The following COL21A1 variants were observed in gnomAD, a reference collection of about 807,000 sequenced individuals.
The protein encoded by COL21A1 is collagen alpha-1(XXI) chain.
A neutral mutation model predicts 137.9 loss-of-function variants in COL21A1; 149 were observed. The observed-to-expected ratio is 1.08, with a 90% confidence interval of 0.95 to 1.24. The LOEUF is 1.24. Ranked by LOEUF, COL21A1 falls within the 50% of genes most tolerant of loss-of-function variation. The pLI, the probability that COL21A1 is intolerant of heterozygous loss-of-function variation, is 0.00. For missense variants in COL21A1, 1,167 were observed against 1,158.4 expected (o/e 1.01, Z -0.11); for synonymous variants, 456 against 391.5 (o/e 1.16, Z -1.95).
At chr6:56,256,498 T>G (rs940078092) in intron 1 of COL21A1, among the ~76,000 whole-genome samples, 5 of 152,172 alleles carry the variant, frequency 3.3e-5, no homozygotes, top group Admixed American at 6.5e-5. Context: ...CGCATCAAAT[T>G]AGATCGTTGA....
At chr6:56,075,343 A>C (rs1457283539) in intron 19 of COL21A1, 136 bp downstream of exon 19, 1 of 659,752 alleles carries the variant, frequency 1.5e-6, no homozygotes, top group East Asian at 3.2e-5. Context: ...TTCATACAAC[A>C]GAATGGAATT....
intron 1 of COL21A1, among the ~76,000 whole-genome samples, chr6:56,392,349 A>C (rs2094031399): frequency 6.6e-6 from 1 of 152,118 alleles, no homozygotes. Flanking sequence ...TACCTCAACA[A>C]TATAAAAGCC....
intron 17 of COL21A1, chr6:56,091,348 G>A (rs62404866): frequency 0.15 from 23,161 of 152,424 alleles, 1,792 homozygotes; most frequent in Middle Eastern, 0.22. Flanking sequence ...TGAAAGGCAT[G>A]AGGAAAGGAA....
intron 1 of COL21A1, among the ~76,000 whole-genome samples, chr6:56,272,165 G>T (rs1763543419): frequency 6.6e-6 from 1 of 152,232 alleles, no homozygotes; most frequent in Non-Finnish European, 1.5e-5. Context: ...TGGAAAGGCT[G>T]CAGGCACTCA....
At chr6:56,281,082 T>C (rs973742742) in intron 1 of COL21A1, among the ~76,000 whole-genome samples, 15 of 152,154 alleles carry the variant, frequency 9.9e-5, no homozygotes, top group African/African-American at 3.6e-4. Context: ...TACACCACAC[T>C]TTCCTATGAT....
intron 29 of COL21A1, 108 bp from the exon 30 acceptor site, chr6:56,057,952 A>G (rs575449646): frequency 4.8e-5 from 36 of 753,198 alleles, no homozygotes; most frequent in Admixed American, 1.1e-4. Context: ...TGAATATTTT[A>G]TATATTTGCA....
intron 1 of COL21A1, among the ~76,000 whole-genome samples, chr6:56,210,429 T>G (rs953741547): frequency 2.0e-5 from 3 of 152,148 alleles, no homozygotes; most frequent in Non-Finnish European, 4.4e-5. Context: ...TAAAACATGA[T>G]GGAGAAACAA....
At chr6:56,371,859 G>C (rs761930225) in intron 1 of COL21A1, among the ~76,000 whole-genome samples, 12 of 152,186 alleles carry the variant, frequency 7.9e-5, no homozygotes, top group Non-Finnish European at 1.5e-4. Context: ...CATCAGAGAA[G>C]TGAAGATGAT....
chr6:56,357,207 A>C (rs1048934408), intron 1 of COL21A1, among the ~76,000 whole-genome samples: 2 of 152,206 alleles, frequency 1.3e-5, no homozygotes. Flanking sequence ...AAATTAGAGA[A>C]AACAGTATCT....
intron 14 of COL21A1, among the ~76,000 whole-genome samples, chr6:56,124,880 C>T (rs1466721469): frequency 6.6e-6 from 1 of 151,584 alleles, no homozygotes; most frequent in Non-Finnish European, 1.5e-5. Context: ...CTCCTGACTT[C>T]GTGATCTGCC....
intron 17 of COL21A1, among the ~76,000 whole-genome samples, chr6:56,086,866 C>G (rs182644160): frequency 6.6e-6 from 1 of 152,108 alleles, no homozygotes; most frequent in Non-Finnish European, 1.5e-5. Context: ...TTAAATAATC[C>G]GAACCATTCT....
chr6:56,195,095 A>G (rs1378602364), intron 1 of COL21A1, among the ~76,000 whole-genome samples: 1 of 152,194 alleles, frequency 6.6e-6, no homozygotes, highest in Non-Finnish European at 1.5e-5. Flanking sequence ...GACTCTGCAG[A>G]GAGTCCCCAC....
chr6:56,148,633 G>A (rs1164488470), intron 10 of COL21A1, among the ~76,000 whole-genome samples: 1 of 151,974 alleles, frequency 6.6e-6, no homozygotes, highest in African/African-American at 2.4e-5. Context: ...CTGGCACCAT[G>A]TTCAGTTAAG....
chr6:56,208,597 C>T (rs530878887), intron 1 of COL21A1, among the ~76,000 whole-genome samples: 2 of 152,240 alleles, frequency 1.3e-5, no homozygotes, highest in African/African-American at 4.8e-5. Flanking sequence ...GACCATACTG[C>T]CCAAAGTAAT....
At chr6:56,367,457 T>C (rs1258995649) in intron 1 of COL21A1, among the ~76,000 whole-genome samples, 1 of 152,174 alleles carries the variant, frequency 6.6e-6, no homozygotes, top group Non-Finnish European at 1.5e-5. Flanking sequence ...ATTTCCTCCC[T>C]CTCAAGAGAA....
intron 1 of COL21A1, among the ~76,000 whole-genome samples, chr6:56,380,951 C>T (rs2094007720): frequency 6.6e-6 from 1 of 152,076 alleles, no homozygotes; most frequent in Non-Finnish European, 1.5e-5. Context: ...AATAGAAATA[C>T]ATACAGAACA....
chr6:56,344,181 A>T (rs982607698), intron 1 of COL21A1, among the ~76,000 whole-genome samples: 1 of 152,230 alleles, frequency 6.6e-6, no homozygotes, highest in Non-Finnish European at 1.5e-5. Context: ...ACATAAAGCA[A>T]CTGAATTTTT....
intron 1 of COL21A1, among the ~76,000 whole-genome samples, chr6:56,294,667 T>C (rs1297729685): frequency 6.6e-6 from 1 of 152,062 alleles, no homozygotes; most frequent in Non-Finnish European, 1.5e-5. Flanking sequence ...ATGTGTATAG[T>C]GGTATCTCAT....
intron 1 of COL21A1, among the ~76,000 whole-genome samples, chr6:56,321,617 A>G (rs1196431359): frequency 6.6e-6 from 1 of 152,192 alleles, no homozygotes; most frequent in East Asian, 1.9e-4. Context: ...AAGCAATGGA[A>G]ACAACTCACC....
Sources: allele counts gnomAD v4.1 joint callset (sites outside exome capture counted in the v4.1 genomes callset), GRCh38; gene constraint gnomAD v4.1.1; transcripts MANE v1.5; gene names NCBI Gene and HGNC (gene_info 2026-07-23, HGNC 2026-07-21).